Variants in NXPH2 observed in about 807,000 individuals in gnomAD.
NXPH2 encodes neurexophilin 2, also known as neurexophilin-2.
Under a neutral mutation model 19.8 loss-of-function variants are expected in NXPH2, and 5 were observed. The ratio of observed to expected loss-of-function variants is 0.25; its 90% CI spans 0.13 to 0.53. The LOEUF is 0.53. Ranked by LOEUF, NXPH2 falls within the 20% of genes least tolerant of loss-of-function variation. The pLI, the probability that NXPH2 is intolerant of heterozygous loss-of-function variation, is 0.96. For synonymous variants in NXPH2, 154 were observed against 127.4 expected, an observed-to-expected ratio of 1.21 and a Z score of -1.41; for missense variants, 289 against 322.8, an observed-to-expected ratio of 0.90 and a Z score of 0.80.
intron 1 of NXPH2, among the ~76,000 whole-genome samples, chr2:138,777,675 A>G (rs1018136543): frequency 6.6e-6 from 1 of 151,980 alleles, no homozygotes; most frequent in South Asian, 2.1e-4. Flanking sequence ...GGTAATTTTC[A>G]TATCACTAAA....
chr2:138,704,238 T>A (rs4074051), intron 1 of NXPH2, among the ~76,000 whole-genome samples: 76,294 of 152,022 alleles, frequency 0.5, 21,317 homozygotes, highest in South Asian at 0.75. Context: ...TATAAAATAC[T>A]AGTAGATATA....
intron 1 of NXPH2, among the ~76,000 whole-genome samples, chr2:138,698,789 G>A (rs1291337808): frequency 1.3e-5 from 2 of 152,174 alleles, no homozygotes; most frequent in Non-Finnish European, 2.9e-5. Flanking sequence ...AGGAATTAGA[G>A]GGGGCAGTAA....
At chr2:138,725,845 G>A (rs1681348695) in intron 1 of NXPH2, among the ~76,000 whole-genome samples, 1 of 152,118 alleles carries the variant, frequency 6.6e-6, no homozygotes, top group Non-Finnish European at 1.5e-5. Context: ...CAAATGCATA[G>A]GTAAGAAGTA....
chr2:138,671,117 G>A lies in NXPH2; in HGVS notation c.600C>T (p.Thr200=), dbSNP rs751230333. 7.4e-6 allele frequency: 12 copies of A among 1,613,740 alleles called. No homozygotes were observed. The highest frequency in any genetic ancestry group is 2.7e-5 in the African/African-American group (2 of 74,886). ...EYEKTDRAKK[T]ALCNFDPSKI... ...TGGATGGGTCAAAGTTGCACAGGGC[G>A]GTCTTTTTCGCCCGATCTGTTTTTT... is the stretch of plus-strand genomic sequence containing the variant. The change falls in exon 2 of 2, where the codon ACC becomes ACT. Residue 200 remains threonine, a synonymous_variant. Coordinates refer to ENST00000272641, the MANE Select transcript of NXPH2 (RefSeq NM_007226.3).
At chr2:138,706,534 A>T (rs936605254) in intron 1 of NXPH2, among the ~76,000 whole-genome samples, 1 of 152,174 alleles carries the variant, frequency 6.6e-6, no homozygotes, top group Non-Finnish European at 1.5e-5. Context: ...TATGCCAGTT[A>T]TAGTTGTCAT....
intron 1 of NXPH2, among the ~76,000 whole-genome samples, chr2:138,685,115 G>T (rs986662125): frequency 3.9e-5 from 6 of 152,132 alleles, no homozygotes; most frequent in Admixed American, 2.0e-4. Context: ...TTGATTATTG[G>T]GGTTGGCCTT....
At chr2:138,751,345 T>C (rs1200682060) in intron 1 of NXPH2, among the ~76,000 whole-genome samples, 1 of 152,172 alleles carries the variant, frequency 6.6e-6, no homozygotes, top group Non-Finnish European at 1.5e-5. Flanking sequence ...CTCTCAGTTG[T>C]CTAATATATC....
chr2:138,763,810 T>A (rs1682051498), intron 1 of NXPH2, among the ~76,000 whole-genome samples: 1 of 152,180 alleles, frequency 6.6e-6, no homozygotes, highest in East Asian at 1.9e-4. Context: ...AGGGATTAGA[T>A]GGAATATGCC....
intron 1 of NXPH2, among the ~76,000 whole-genome samples, chr2:138,712,512 A>G (rs1358383353): frequency 6.6e-6 from 1 of 151,966 alleles, no homozygotes; most frequent in Non-Finnish European, 1.5e-5. Flanking sequence ...ATTGCCCCCC[A>G]CCCTGGGATA....
At chr2:138,706,292 A>G (rs909417022) in intron 1 of NXPH2, among the ~76,000 whole-genome samples, 2 of 152,238 alleles carry the variant, frequency 1.3e-5, no homozygotes, top group Admixed American at 1.3e-4. Flanking sequence ...TTAAGTTGGC[A>G]GTGTAAGCAA....
chr2:138,685,558 T>C (rs66499647), intron 1 of NXPH2, among the ~76,000 whole-genome samples: 36,405 of 152,150 alleles, frequency 0.24, 5,098 homozygotes, highest in Non-Finnish European at 0.28. Flanking sequence ...CTGATCGTCA[T>C]AGCTTAGCCT....
chr2:138,770,767 C>T (rs1027453566), intron 1 of NXPH2, among the ~76,000 whole-genome samples: 2 of 151,856 alleles, frequency 1.3e-5, no homozygotes, highest in African/African-American at 4.8e-5. Context: ...TAATAAAGAA[C>T]AATTGTGCGT....
chr2:138,752,917 A>G (rs1681848401), intron 1 of NXPH2, among the ~76,000 whole-genome samples: 1 of 152,190 alleles, frequency 6.6e-6, no homozygotes, highest in Non-Finnish European at 1.5e-5. Context: ...GCTGTTTTTC[A>G]TCCACTGTGT....
chr2:138,694,496 T>TA (rs1354759691), intron 1 of NXPH2, among the ~76,000 whole-genome samples: 3 of 152,104 alleles, frequency 2.0e-5, no homozygotes, highest in Non-Finnish European at 2.9e-5. Flanking sequence ...AGATTGGAGT[T>TA]ACGCTGCCAC....
At chr2:138,735,079 T>C (rs997242664) in intron 1 of NXPH2, among the ~76,000 whole-genome samples, 6 of 152,146 alleles carry the variant, frequency 3.9e-5, no homozygotes, top group Non-Finnish European at 5.9e-5. Context: ...TAAGCATAGA[T>C]AGAAATGGCG....
chr2:138,742,170 A>G (rs1681654340), intron 1 of NXPH2, among the ~76,000 whole-genome samples: 1 of 152,148 alleles, frequency 6.6e-6, no homozygotes, highest in Admixed American at 6.5e-5. Context: ...GATCTTCCAA[A>G]GCTCCAGATC....
intron 1 of NXPH2, among the ~76,000 whole-genome samples, chr2:138,703,823 A>C (rs1449243242): frequency 6.6e-6 from 1 of 152,240 alleles, no homozygotes; most frequent in Non-Finnish European, 1.5e-5. Context: ...ACATGCACTT[A>C]CTGAGAACCC....
At chr2:138,729,984 A>G (rs1681422122) in intron 1 of NXPH2, among the ~76,000 whole-genome samples, 1 of 152,080 alleles carries the variant, frequency 6.6e-6, no homozygotes, top group African/African-American at 2.4e-5. Flanking sequence ...AAAGTCCAAG[A>G]TCAACGTGTC....
intron 1 of NXPH2, among the ~76,000 whole-genome samples, chr2:138,711,757 C>T (rs76721016): frequency 6.3e-4 from 96 of 152,282 alleles, no homozygotes; most frequent in African/African-American, 2.3e-3. Flanking sequence ...ATGTTGGGCA[C>T]ATCCCTTTGT....
Sources: allele counts gnomAD v4.1 joint callset (sites outside exome capture counted in the v4.1 genomes callset), GRCh38; gene constraint gnomAD v4.1.1; transcripts MANE v1.5; gene names NCBI Gene and HGNC (gene_info 2026-07-23, HGNC 2026-07-21).